Variants in PDE6D observed in about 807,000 individuals in gnomAD.
The protein encoded by PDE6D is retinal rod rhodopsin-sensitive cGMP 3',5'-cyclic phosphodiesterase subunit delta.
Under a neutral mutation model 21.9 loss-of-function variants are expected in PDE6D, and 10 were observed. The observed-to-expected ratio is 0.46, with a 90% CI of 0.28 to 0.78. The LOEUF (loss-of-function observed/expected upper bound fraction) is 0.78, where lower values mean the gene tolerates loss of function less well. PDE6D is among the 30% of genes least tolerant of loss of function. PDE6D has a pLI of 0.12. For synonymous variants in PDE6D, 59 were observed against 63.5 expected (o/e 0.93, Z 0.34); for missense variants, 139 against 184.8 (o/e 0.75, Z 1.44).
At chr2:231,743,696 T>C (rs2106265451) in intron 1 of PDE6D, among the ~76,000 whole-genome samples, 1 of 149,632 alleles carries the variant, frequency 6.7e-6, no homozygotes, top group South Asian at 2.1e-4. Context: ...CTTCCTCTGG[T>C]TCATATTTTC....
chr2:231,755,486 G>A (rs1177555346), intron 1 of PDE6D, among the ~76,000 whole-genome samples: 1 of 152,188 alleles, frequency 6.6e-6, no homozygotes, highest in African/African-American at 2.4e-5. Context: ...AGCACTTTGG[G>A]AGGCAGAGGT....
Position 231,739,167 on chromosome 2 carries a change from A to T in PDE6D, c.72T>A (p.Asp24Glu). The T allele has an allele frequency of 6.2e-7, 1 of 1,611,976 alleles. No individual in the cohort carries two copies. Among genetic ancestry groups the T allele is most frequent in the Non-Finnish European group, 8.5e-7 (1 of 1,178,080 alleles). ...GCCAGAGTATCTTCCCTGTCTCAGCATCCCGAAGGTTCATCCAATTTCTGA... is the reference window on the plus strand; with the variant it reads ...GCCAGAGTATCTTCCCTGTCTCAGCTTCCCGAAGGTTCATCCAATTTCTGA... ...GFKLNWMNLR[D>E]AETGKILWQG... The change falls in exon 2 of 5, where the codon GAT becomes GAA. Residue 24 changes from aspartate to glutamate, a missense_variant. Physicochemically the swap from Asp to Glu is conservative, Grantham distance 45. Transcript: ENST00000287600. This position sits in a 1 kb window ranked among gnomAD's most constrained non-coding sequence, Gnocchi z 4.2.
intron 1 of PDE6D, among the ~76,000 whole-genome samples, chr2:231,750,256 C>T (rs774747126): frequency 6.6e-5 from 10 of 152,096 alleles, no homozygotes; most frequent in Non-Finnish European, 1.3e-4. Flanking sequence ...ACCTTTTTCC[C>T]CCGTTTCAGG....
chr2:231,747,380 C>G (rs1037545316), intron 1 of PDE6D, among the ~76,000 whole-genome samples: 1 of 152,248 alleles, frequency 6.6e-6, no homozygotes. Context: ...CGTGAGCCAC[C>G]ACACCCGACC....
At chr2:231,745,780 C>T (rs1361094116) in intron 1 of PDE6D, among the ~76,000 whole-genome samples, 2 of 152,152 alleles carry the variant, frequency 1.3e-5, no homozygotes, top group Admixed American at 6.6e-5. Flanking sequence ...ACACAGGTTA[C>T]GCAAATCCTC....
At chr2:231,744,805 C>CATAGCCAGG (rs2048780656) in intron 1 of PDE6D, among the ~76,000 whole-genome samples, 1 of 152,110 alleles carries the variant, frequency 6.6e-6, no homozygotes, top group African/African-American at 2.4e-5. Flanking sequence ...TTAGCCAGTT[C>CATAGCCAGG]AATATACATA....
At chr2:231,762,101 TG>T (rs1429807726) in intron 1 of PDE6D, among the ~76,000 whole-genome samples, 2 of 152,162 alleles carry the variant, frequency 1.3e-5, no homozygotes, top group Non-Finnish European at 2.9e-5. Flanking sequence ...AGAAGGAAGA[TG>T]ATGTATTGAG....
At chr2:231,778,820 T>A (rs2049077564) in intron 1 of PDE6D, 1 of 152,216 alleles carries the variant, frequency 6.6e-6, no homozygotes, top group South Asian at 2.1e-4. Context: ...TAAAACAATG[T>A]ATCATTTGTT....
chr2:231,764,434 A>T (rs2048954505), intron 1 of PDE6D, among the ~76,000 whole-genome samples: 1 of 152,254 alleles, frequency 6.6e-6, no homozygotes, highest in African/African-American at 2.4e-5. Context: ...CAGAAAGTTT[A>T]GGCTTTGTAA....
In PDE6D at chr2:231,748,714, C is replaced by T. The variant is rs955786781; in HGVS notation, c.51-9526G>A. ...CAGGAGGAAAAAGTGGTTTCACGGG[C>T]TGGGCCCAGGTTCCCCATGCTGTGT... On this transcript the variant is annotated intron_variant, in intron 1 of 4. Coordinates refer to ENST00000287600, the MANE Select transcript of PDE6D (RefSeq NM_002601.4). Among the ~76,000 whole-genome samples the T allele has an allele frequency of 4.6e-5, 7 of 152,208 alleles. No individual in the cohort carries two copies. In the East Asian group the frequency reaches 1.3e-3, roughly 29 times the overall value.
At chr2:231,748,668 C>T (rs2048812907) in intron 1 of PDE6D, among the ~76,000 whole-genome samples, 1 of 152,202 alleles carries the variant, frequency 6.6e-6, no homozygotes, top group South Asian at 2.1e-4. Context: ...TGCAGCCCCT[C>T]CCATCAAGGA....
rs750870731 is a variant in PDE6D, at chr2:231,769,510, G to GCT, written c.50+11553_50+11554dup. ...CATAATTATGACTATCCTACAATTT[G>GCT]CTCTCTCTCTCTCTCTCTCACACAC... On this transcript the variant is annotated intron_variant, in intron 1 of 4. Transcript: ENST00000287600. 3.5e-3 allele frequency among the ~76,000 whole-genome samples: 535 copies of GCT among 150,914 alleles called. 5 individuals carry two copies. The highest frequency in any genetic ancestry group is 2.4e-3 in the Non-Finnish European group (164 of 67,562).
At chr2:231,772,348 C>A (rs1392409232) in intron 1 of PDE6D, among the ~76,000 whole-genome samples, 1 of 152,168 alleles carries the variant, frequency 6.6e-6, no homozygotes, top group East Asian at 1.9e-4. Context: ...CCTTCTTTGC[C>A]ATAAACAGTA....
chr2:231,763,601 A>C (rs1251455207), intron 1 of PDE6D, among the ~76,000 whole-genome samples: 1 of 152,002 alleles, frequency 6.6e-6, no homozygotes, highest in Non-Finnish European at 1.5e-5. Context: ...AATTTAAAAA[A>C]ACTTTTATGT....
At chr2:231,769,215 G>A (rs975042496) in intron 1 of PDE6D, among the ~76,000 whole-genome samples, 1 of 152,166 alleles carries the variant, frequency 6.6e-6, no homozygotes, top group African/African-American at 2.4e-5. Flanking sequence ...GATATGCCAC[G>A]TACAGATTCT....
At chr2:231,776,798 C>A (rs947943186) in intron 1 of PDE6D, among the ~76,000 whole-genome samples, 1 of 152,142 alleles carries the variant, frequency 6.6e-6, no homozygotes, top group Non-Finnish European at 1.5e-5. Flanking sequence ...ATAATCAAAT[C>A]CAAAATATTT....
At chr2:231,780,450 T>C (rs1034729266) in intron 1 of PDE6D, among the ~76,000 whole-genome samples, 3 of 152,048 alleles carry the variant, frequency 2.0e-5, no homozygotes, top group Admixed American at 6.5e-5. Flanking sequence ...ATCTTGGACT[T>C]CTCTTTCCCC....
intron 1 of PDE6D, among the ~76,000 whole-genome samples, chr2:231,761,013 T>C (rs2048920654): frequency 6.6e-6 from 1 of 152,142 alleles, no homozygotes; most frequent in South Asian, 2.1e-4. Flanking sequence ...TACTAGCGTG[T>C]TGCCTGATAA....
chr2:231,752,679 CTT>C (rs1262745282), intron 1 of PDE6D, among the ~76,000 whole-genome samples: 5 of 152,064 alleles, frequency 3.3e-5, no homozygotes, highest in African/African-American at 1.2e-4. Context: ...CTGCTGCAAT[CTT>C]TTGTGCTGCT....
Sources: gnomAD v4.1 joint callset for allele counts (sites outside exome capture counted in the v4.1 genomes callset) on GRCh38, gnomAD v4.1.1 for gene constraint, Gnocchi (gnomAD v3.1) non-coding constraint, MANE v1.5 for transcripts, NCBI Gene and HGNC (gene_info 2026-07-23, HGNC 2026-07-21) for gene names.